NUFIP2: variants seen among roughly 807,000 people sequenced by gnomAD.
NUFIP2 encodes the protein nuclear FMR1 interacting protein 2, also known as FMR1-interacting protein NUFIP2.
A neutral mutation model predicts 56.9 loss-of-function variants in NUFIP2; 6 were observed. The ratio of observed to expected loss-of-function variants is 0.11; its 90% CI spans 0.06 to 0.21. NUFIP2 has a LOEUF of 0.21. Among genes scored for constraint, NUFIP2 ranks in the 10% least tolerant of loss-of-function variants. The pLI is 1.00. For synonymous variants in NUFIP2, 321 were observed against 298.2 expected (o/e 1.08, Z -0.79); for missense variants, 828 against 826.8 (o/e 1.00, Z -0.02).
intron 2 of NUFIP2, 98 bp downstream of exon 2, chr17:29,285,894 T>G: frequency 1.1e-6 from 1 of 948,224 alleles, no homozygotes; most frequent in Non-Finnish European, 1.6e-6. Context: ...CTTAAAATAC[T>G]CTTAATATGA....
rs948450200 is a variant in NUFIP2 at position 29,257,414 on chromosome 17, G to A, written c.*7125C>T. 11 of 152,244 alleles carry A rather than the reference G, an allele frequency of 7.2e-5. No individual in the cohort carries two copies. The highest frequency in any genetic ancestry group is 1.4e-4 in the African/African-American group (6 of 41,544). The allele number at this position is 152,244 out of a possible 1,614,324, so 9.4% of individuals were successfully genotyped here. A position where few individuals can be genotyped will look rare whatever the true frequency, so the allele number is the denominator to read the frequency against. ...CACGGAGCTTCGGCAAAATTCGAGT[G>A]TGCAAAATGCATTTCTAAAACGTAA... On this transcript the variant is annotated 3_prime_UTR_variant, in exon 4 of 4. Coordinates refer to ENST00000225388, the MANE Select transcript of NUFIP2 (RefSeq NM_020772.3).
intron 1 of NUFIP2, among the ~76,000 whole-genome samples, chr17:29,292,882 G>GGA (rs966986890): frequency 2.3e-5 from 1 of 44,312 alleles, no homozygotes; most frequent in Non-Finnish European, 5.0e-5. Context: ...GGCCGGCGAC[G>GGA]GGGGGGGGGG....
intron 2 of NUFIP2, among the ~76,000 whole-genome samples, chr17:29,280,878 C>T (rs2069135469): frequency 6.6e-6 from 1 of 150,682 alleles, no homozygotes; most frequent in African/African-American, 2.4e-5. Flanking sequence ...ATCCCAGTTA[C>T]TCGGGAGGCT....
intron 3 of NUFIP2, among the ~76,000 whole-genome samples, chr17:29,265,139 C>G (rs905792121): frequency 1.3e-5 from 2 of 152,160 alleles, no homozygotes; most frequent in Admixed American, 6.5e-5. Flanking sequence ...AGCCTTTATT[C>G]TCAGCACTAA....
At chr17:29,267,862 G>C (rs2069047770) in intron 2 of NUFIP2, among the ~76,000 whole-genome samples, 1 of 152,110 alleles carries the variant, frequency 6.6e-6, no homozygotes, top group African/African-American at 2.4e-5. Flanking sequence ...TGTTGCCCAG[G>C]CTGGTCCTCC....
At chr17:29,291,986 C>T (rs2069216719) in intron 1 of NUFIP2, among the ~76,000 whole-genome samples, 1 of 152,148 alleles carries the variant, frequency 6.6e-6, no homozygotes, top group Non-Finnish European at 1.5e-5. Context: ...AAATTTGATA[C>T]GCTGGGTTTA....
At chr17:29,292,739 C>A (rs941346762) in intron 1 of NUFIP2, among the ~76,000 whole-genome samples, 1 of 149,978 alleles carries the variant, frequency 6.7e-6, no homozygotes, top group South Asian at 2.1e-4. Context: ...GCGGGAAACG[C>A]GGCCGCTGGC....
intron 2 of NUFIP2, among the ~76,000 whole-genome samples, chr17:29,268,764 A>G (rs562536576): frequency 1.3e-5 from 2 of 151,876 alleles, no homozygotes; most frequent in East Asian, 3.9e-4. Flanking sequence ...CCCAACCTCA[A>G]GTGATCCGCC....
At chr17:29,290,034 C>A (rs1431531854) in intron 1 of NUFIP2, among the ~76,000 whole-genome samples, 7 of 152,144 alleles carry the variant, frequency 4.6e-5, no homozygotes, top group Non-Finnish European at 7.4e-5. Flanking sequence ...CCTGACTCAG[C>A]CTCCAGAGTA....
chr17:29,270,685 G>GA (rs201741412), intron 2 of NUFIP2, among the ~76,000 whole-genome samples: 7 of 149,590 alleles, frequency 4.7e-5, no homozygotes, highest in East Asian at 2.0e-4. Flanking sequence ...GTCATACGCT[G>GA]AAAAAAAAAA....
At position 29,283,005 on chromosome 17, in the gene NUFIP2, CTGAG is replaced by C. The variant is rs1371649448; in HGVS notation, c.2002+2983_2002+2986del. Among the ~76,000 whole-genome samples, 9 of 152,300 alleles carry C rather than the reference CTGAG, an allele frequency of 5.9e-5. No homozygotes were observed. In the South Asian group the frequency reaches 1.4e-3, roughly 25 times the overall value. Reference sequence around the variant, plus strand: ...CTTGCTACTCTGGAACCCAATTGAACTGAGTATTATTTATTGTTCTAGAGGGGTA... The same window carrying C: ...CTTGCTACTCTGGAACCCAATTGAACTATTATTTATTGTTCTAGAGGGGTA... On this transcript the variant is annotated intron_variant, in intron 2 of 3. Coordinates refer to ENST00000225388, the MANE Select transcript of NUFIP2 (RefSeq NM_020772.3).
intron 1 of NUFIP2, 24 bp from the exon 2 acceptor site, chr17:29,287,740 TAA>T (rs34613266): frequency 9.5e-5 from 132 of 1,383,090 alleles, no homozygotes; most frequent in South Asian, 4.2e-4. Context: ...AAAAAAGGAT[TAA>T]AAAAAAAAAT....
intron 2 of NUFIP2, among the ~76,000 whole-genome samples, chr17:29,285,085 G>T (rs2069164073): frequency 6.6e-6 from 1 of 152,076 alleles, no homozygotes; most frequent in Non-Finnish European, 1.5e-5. Flanking sequence ...GGCGGATCAC[G>T]AGGTCAGAAG....
At chr17:29,270,585 T>C (rs943189873) in intron 2 of NUFIP2, among the ~76,000 whole-genome samples, 2 of 152,130 alleles carry the variant, frequency 1.3e-5, no homozygotes, top group African/African-American at 4.8e-5. Flanking sequence ...AGAAATTTCA[T>C]ATTTTGTAGC....
intron 2 of NUFIP2, among the ~76,000 whole-genome samples, chr17:29,274,957 G>T (rs1284816307): frequency 4.0e-5 from 6 of 151,780 alleles, no homozygotes; most frequent in Non-Finnish European, 7.4e-5. Context: ...TTTTGGAAGA[G>T]AATGAATTCA....
chr17:29,285,582 T>TC (rs1276992083), intron 2 of NUFIP2, among the ~76,000 whole-genome samples: 2 of 151,486 alleles, frequency 1.3e-5, no homozygotes, highest in Admixed American at 1.3e-4. Flanking sequence ...AGAGTGAGAC[T>TC]CCATCTCAAA....
chr17:29,269,759 C>A (rs986610123), intron 2 of NUFIP2, among the ~76,000 whole-genome samples: 1 of 151,112 alleles, frequency 6.6e-6, no homozygotes, highest in Non-Finnish European at 1.5e-5. Flanking sequence ...TTTTTTGAGT[C>A]GCCCAGGCTG....
At chr17:29,277,483 C>A (rs779941141) in intron 2 of NUFIP2, among the ~76,000 whole-genome samples, 1 of 151,930 alleles carries the variant, frequency 6.6e-6, no homozygotes, top group Non-Finnish European at 1.5e-5. Flanking sequence ...CATTTTGGAT[C>A]AAATTCTGTA....
chr17:29,288,335 C>T (rs561219326), intron 1 of NUFIP2, among the ~76,000 whole-genome samples: 16 of 152,356 alleles, frequency 1.1e-4, no homozygotes, highest in South Asian at 6.2e-4. Flanking sequence ...GTGAGCCACA[C>T]GCCCGGCCTA....
Sources: allele counts gnomAD v4.1 joint callset (sites outside exome capture counted in the v4.1 genomes callset), GRCh38; gene constraint gnomAD v4.1.1; transcripts MANE v1.5; gene names NCBI Gene and HGNC (gene_info 2026-07-23, HGNC 2026-07-21).